KIAA1217: variants seen among roughly 807,000 people sequenced by gnomAD.
KIAA1217 encodes sickle tail protein homolog.
A neutral mutation model predicts 163.9 loss-of-function variants in KIAA1217; 88 were observed. The ratio of observed to expected loss-of-function variants is 0.54; its 90% CI spans 0.45 to 0.64. KIAA1217 has a LOEUF of 0.64. Among genes scored for constraint, KIAA1217 ranks in the 30% least tolerant of loss-of-function variants. KIAA1217 has a pLI of 0.00. For missense variants in KIAA1217, 2,372 were observed against 2,475.0 expected, an observed-to-expected ratio of 0.96 and a Z score of 0.88; for synonymous variants, 903 against 923.1, an observed-to-expected ratio of 0.98 and a Z score of 0.39.
intron 2 of KIAA1217, among the ~76,000 whole-genome samples, chr10:24,315,941 A>G (rs1046971740): frequency 1.4e-5 from 2 of 147,052 alleles, no homozygotes; most frequent in African/African-American, 2.5e-5. Flanking sequence ...GGGGGGGGGA[A>G]TCCAAGGAGC....
chr10:24,096,804 TA>T (rs2062180992), intron 2 of KIAA1217, among the ~76,000 whole-genome samples: 6 of 152,242 alleles, frequency 3.9e-5, no homozygotes, highest in African/African-American at 1.4e-4. Context: ...CATGCTTTCA[TA>T]GTTTCTCTTT....
At chr10:24,205,927 C>T (rs549154631), upstream of KIAA1217, among the ~76,000 whole-genome samples, 2 of 152,178 alleles carry the variant, frequency 1.3e-5, no homozygotes, top group Non-Finnish European at 2.9e-5. Context: ...ATTTACGTTG[C>T]GTTATCAACA....
At chr10:23,998,189 A>G (rs1846583978) in intron 1 of KIAA1217, among the ~76,000 whole-genome samples, 1 of 152,188 alleles carries the variant, frequency 6.6e-6, no homozygotes, top group East Asian at 1.9e-4. Context: ...AAAGTCTTCA[A>G]ACAAATATCC....
At chr10:24,208,059 T>C (rs1229838210), upstream of KIAA1217, among the ~76,000 whole-genome samples, 1 of 152,012 alleles carries the variant, frequency 6.6e-6, no homozygotes, top group Non-Finnish European at 1.5e-5. Context: ...TCCTAGCTAC[T>C]GTGTTACTCT....
intron 1 of KIAA1217, among the ~76,000 whole-genome samples, chr10:23,914,310 C>T (rs1404240282): frequency 1.3e-5 from 2 of 152,052 alleles, no homozygotes; most frequent in African/African-American, 4.8e-5. Flanking sequence ...TTTTCCTTGA[C>T]ATTGGTTTAG....
chr10:24,463,286 G>T (rs764275355), intron 5 of KIAA1217, among the ~76,000 whole-genome samples: 1 of 152,180 alleles, frequency 6.6e-6, no homozygotes, highest in Non-Finnish European at 1.5e-5. Context: ...TTGGACCCAG[G>T]ACTGGTCAGC....
intron 2 of KIAA1217, among the ~76,000 whole-genome samples, chr10:24,167,798 G>C (rs1467749323): frequency 6.6e-6 from 1 of 152,122 alleles, no homozygotes; most frequent in Non-Finnish European, 1.5e-5. Context: ...AAATTTATTG[G>C]CTCATAATTC....
Position 24,543,185 on chromosome 10 carries a change from G to A in KIAA1217, c.3915G>A (p.Lys1305=). Residue 1305 remains lysine, a synonymous_variant, in exon 19 of 21, where the codon AAG becomes AAA. Transcript: ENST00000376454. ...DTENQTLNYG[K]TKEMEKQNTD... ...AGAACCAGACGCTGAATTACGGAAA[G>A]ACAAAGGAGATGGAAAAGCAAAATA... 6.2e-7 allele frequency: 1 copy of A among 1,613,424 alleles called. No homozygotes were observed. Among genetic ancestry groups the A allele is most frequent in the Non-Finnish European group, 8.5e-7 (1 of 1,179,894 alleles).
intron 2 of KIAA1217, among the ~76,000 whole-genome samples, chr10:24,148,221 A>G (rs866105994): frequency 6.6e-6 from 1 of 152,074 alleles, no homozygotes; most frequent in Non-Finnish European, 1.5e-5. Flanking sequence ...TAGATTTAAA[A>G]TTTTTCTTGC....
rs369765184 is a variant in KIAA1217 at position 24,545,043 on chromosome 10, C to A, written c.5274C>A (p.Pro1758=). 1 of 1,614,118 alleles carries A rather than the reference C, an allele frequency of 6.2e-7. No homozygotes were observed. The highest frequency in any genetic ancestry group is 8.5e-7 in the Non-Finnish European group (1 of 1,180,006). Residue 1758 remains proline, a synonymous_variant, in exon 20 of 21, where the codon CCC becomes CCA. Coordinates refer to ENST00000376454, the MANE Select transcript of KIAA1217 (RefSeq NM_019590.5). Reference sequence around the variant, plus strand: ...TCCCCATGAGTGCCAAGAACAGACCCGGAACCCTGGACAAACCCGGCAAGC... The same window carrying A: ...TCCCCATGAGTGCCAAGAACAGACCAGGAACCCTGGACAAACCCGGCAAGC... ...MPVPMSAKNR[P]GTLDKPGKQS...
intron 1 of KIAA1217, among the ~76,000 whole-genome samples, chr10:23,905,892 A>T (rs1842141899): frequency 6.6e-6 from 1 of 152,120 alleles, no homozygotes; most frequent in East Asian, 1.9e-4. Flanking sequence ...AATACCTGAG[A>T]AATAGCCTGA....
chr10:24,224,200 A>G (rs947579359), intron 2 of KIAA1217, among the ~76,000 whole-genome samples: 44 of 152,234 alleles, frequency 2.9e-4, no homozygotes, highest in African/African-American at 1.1e-3. Context: ...TTAGTTGTGC[A>G]GGGCAGTCAG....
chr10:24,358,278 C>A (rs148367483), intron 2 of KIAA1217, among the ~76,000 whole-genome samples: 8 of 152,252 alleles, frequency 5.3e-5, no homozygotes, highest in African/African-American at 1.7e-4. Flanking sequence ...TCTCAAGGAA[C>A]TGGTCATCCC....
intron 9 of KIAA1217, among the ~76,000 whole-genome samples, chr10:24,506,234 T>G (rs1469882438): frequency 6.6e-6 from 1 of 152,254 alleles, no homozygotes; most frequent in African/African-American, 2.4e-5. Flanking sequence ...GGTCTGGCTT[T>G]CCTCCTGAAT....
At chr10:23,874,768 C>CT (rs1840605839) in intron 1 of KIAA1217, among the ~76,000 whole-genome samples, 1 of 151,988 alleles carries the variant, frequency 6.6e-6, no homozygotes, top group Non-Finnish European at 1.5e-5. Context: ...CTGATTTTAT[C>CT]TTTGGCATCT....
chr10:24,486,031 A>G (rs1364607055), intron 6 of KIAA1217, among the ~76,000 whole-genome samples: 2 of 152,274 alleles, frequency 1.3e-5, no homozygotes, highest in East Asian at 3.9e-4. Flanking sequence ...GCGTTTGGAC[A>G]CCCAGACCCA....
At chr10:23,754,422 A>G (rs1004304428) in intron 1 of KIAA1217, among the ~76,000 whole-genome samples, 3 of 152,314 alleles carry the variant, frequency 2.0e-5, no homozygotes, top group Admixed American at 6.5e-5. Context: ...AAGCTTTGCT[A>G]GAACTCAGAG....
At position 23,786,267 on chromosome 10, in the gene KIAA1217, T is replaced by G. The variant is rs1422737300; in HGVS notation, c.-321+91033T>G. Among the ~76,000 whole-genome samples, 4 of 151,740 alleles carry G rather than the reference T, an allele frequency of 2.6e-5. No homozygotes were observed. In the East Asian group the frequency reaches 7.8e-4, roughly 29 times the overall value. ...GCGGTAAGGACAGGGAGGATTTGGT[T>G]AATATGGATAAGGGGGAGAGTTTGG... On this transcript the variant is annotated intron_variant, in intron 1 of 18. Coordinates refer to the KIAA1217 transcript ENST00000376462.
chr10:24,376,489 G>GCAGTAA (rs2052509957), intron 2 of KIAA1217, among the ~76,000 whole-genome samples: 3 of 152,180 alleles, frequency 2.0e-5, no homozygotes, highest in Admixed American at 6.5e-5. Context: ...TAGGCAGGGT[G>GCAGTAA]CAGTGGCTCA....
Sources: allele counts gnomAD v4.1 joint callset (sites outside exome capture counted in the v4.1 genomes callset), GRCh38; gene constraint gnomAD v4.1.1; transcripts MANE v1.5; gene names NCBI Gene and HGNC (gene_info 2026-07-23, HGNC 2026-07-21).